Variants in GABRA2 observed in about 807,000 individuals in gnomAD.
The protein encoded by GABRA2 is gamma-aminobutyric acid type A receptor subunit alpha2.
GABRA2 carries 16 observed loss-of-function variants against 48.7 expected under a neutral mutation model. That is an observed-to-expected ratio of 0.33 (90% CI 0.22 to 0.50). The LOEUF (loss-of-function observed/expected upper bound fraction) is 0.50, where lower values mean the gene tolerates loss of function less well. GABRA2 is among the 20% of genes least tolerant of loss of function. GABRA2 has a pLI of 0.98. For missense variants in GABRA2, 275 were observed against 535.6 expected (o/e 0.51, Z 4.80); for synonymous variants, 185 against 184.5 (o/e 1.00, Z -0.02).
chr4:46,282,834 C>T (rs968129691), intron 8 of GABRA2, among the ~76,000 whole-genome samples: 1 of 152,070 alleles, frequency 6.6e-6, no homozygotes, highest in African/African-American at 2.4e-5. Context: ...CTAAGTGGTC[C>T]GTATATGAAT....
intron 9 of GABRA2, among the ~76,000 whole-genome samples, chr4:46,260,335 G>A (rs1376462843): frequency 1.3e-5 from 2 of 151,912 alleles, no homozygotes; most frequent in East Asian, 3.9e-4. Context: ...TCCTGGCTAT[G>A]TGTAATTTGG....
At chr4:46,335,782 T>G (rs1244128408) in intron 3 of GABRA2, among the ~76,000 whole-genome samples, 1 of 152,104 alleles carries the variant, frequency 6.6e-6, no homozygotes, top group Non-Finnish European at 1.5e-5. Context: ...TGATCACTCT[T>G]AGTTGACACA....
chr4:46,372,935 T>C (rs1409608175), intron 3 of GABRA2, among the ~76,000 whole-genome samples: 4 of 152,178 alleles, frequency 2.6e-5, no homozygotes, highest in Non-Finnish European at 5.9e-5. Flanking sequence ...AACTTTCATA[T>C]CCACTCACTT....
At chr4:46,273,522 TATATATATATATATGA>T (rs1490712822) in intron 8 of GABRA2, among the ~76,000 whole-genome samples, 7,099 of 62,336 alleles carry the variant, frequency 0.11, 778 homozygotes, top group African/African-American at 0.31. Flanking sequence ...TATATATATA[TATATATATATATATGA>T]GAGAGAGAGG....
At chr4:46,362,308 C>G (rs990387944) in intron 3 of GABRA2, among the ~76,000 whole-genome samples, 1 of 152,086 alleles carries the variant, frequency 6.6e-6, no homozygotes, top group Admixed American at 6.6e-5. Context: ...GCTGCACAAG[C>G]TCTCTCTCTG....
Position 46,249,707 on chromosome 4 carries a change from T to A in GABRA2, c.*601A>T, listed in dbSNP as rs1213022048. The A allele has an allele frequency of 6.6e-6, 1 of 151,524 alleles. No individual in the cohort carries two copies. The highest frequency in any genetic ancestry group is 2.4e-5 in the African/African-American group (1 of 41,368). The allele number at this position is 151,524 out of a possible 1,614,324, so 9.4% of individuals were successfully genotyped here. A position where few individuals can be genotyped will look rare whatever the true frequency, so the allele number is the denominator to read the frequency against. The stretch of plus-strand genomic sequence containing the variant: ...AGGCATAATTAACATCCTTTCGGGC[T>A]GACTCATAATTATTTGAGCTTGTCA... On this transcript the variant is annotated 3_prime_UTR_variant, in exon 10 of 10. Transcript: ENST00000381620.
intron 3 of GABRA2, among the ~76,000 whole-genome samples, chr4:46,381,953 G>T (rs1045446358): frequency 6.6e-6 from 1 of 152,072 alleles, no homozygotes. Context: ...GTGGCACACT[G>T]AAAGCAAAAA....
intron 3 of GABRA2, among the ~76,000 whole-genome samples, chr4:46,373,092 GAAGCTGTCACCAAAA>G (rs1282796195): frequency 6.6e-6 from 1 of 152,158 alleles, no homozygotes; most frequent in Non-Finnish European, 1.5e-5. Flanking sequence ...GACTGTATTA[GAAGCTGTCACCAAAA>G]ATGACAAAGA....
intron 3 of GABRA2, among the ~76,000 whole-genome samples, chr4:46,361,197 G>A (rs1260473654): frequency 2.0e-5 from 3 of 152,130 alleles, no homozygotes; most frequent in African/African-American, 2.4e-5. Flanking sequence ...TGTCTCCTGG[G>A]CATGTAAGAG....
chr4:46,376,174 A>T (rs2109330339), intron 3 of GABRA2, among the ~76,000 whole-genome samples: 1 of 152,352 alleles, frequency 6.6e-6, no homozygotes. Context: ...GGAACAAAAT[A>T]CTAGAATAAT....
intron 6 of GABRA2, among the ~76,000 whole-genome samples, chr4:46,307,691 T>C (rs1577991490): frequency 6.6e-6 from 1 of 152,170 alleles, no homozygotes; most frequent in East Asian, 1.9e-4. Context: ...TTGAACTATG[T>C]TCTTTACTGC....
chr4:46,334,400 C>A (rs77120054), intron 3 of GABRA2, among the ~76,000 whole-genome samples: 1 of 152,110 alleles, frequency 6.6e-6, no homozygotes, highest in Non-Finnish European at 1.5e-5. Context: ...ATTAATCACA[C>A]TATTACATTT....
In GABRA2 at chr4:46,305,576, G is replaced by A. The variant is rs1263622811; in HGVS notation, c.695C>T (p.Ser232Phe). The A allele has an allele frequency of 6.2e-7, 1 of 1,613,646 alleles. No homozygotes were observed. Among genetic ancestry groups the A allele is most frequent in the Non-Finnish European group, 8.5e-7 (1 of 1,179,856 alleles). ...GQSIGKETIKSSTGEYTVMTA... is the reference protein window; with the variant it reads ...GQSIGKETIKFSTGEYTVMTA... ...AGACTAATTTTACTAACCTGTACTG[G>A]ATTTAATTGTCTCCTTTCCGATTGA... is the stretch of plus-strand genomic sequence containing the variant. Residue 232 changes from serine to phenylalanine, a missense_variant, in exon 7 of 10, where the codon TCC (serine) becomes TTC (phenylalanine). By Grantham distance (155) the Ser-to-Phe change is radical. Around this residue, in one of 4 missense-constraint regions of GABRA2, gnomAD observed 113 missense variants for 257.1 expected, o/e 0.44. Coordinates refer to ENST00000381620, the MANE Select transcript of GABRA2 (RefSeq NM_000807.4).
rs147060822 is a variant in GABRA2, at chr4:46,368,539, A to C, written c.187+17535T>G. 673 of 159,112 alleles carry C rather than the reference A, an allele frequency of 4.2e-3. 3 individuals carry two copies. Among genetic ancestry groups the C allele is most frequent in the Non-Finnish European group, 7.3e-3 (529 of 72,540 alleles). The allele number at this position is 159,112 out of a possible 1,614,324, so 9.9% of individuals were successfully genotyped here. ...TTTGTTGAAATATAGTTCTGGGACC[A>C]AACCAAATCTGAATGAGTCTTTGAA... On this transcript the variant is annotated intron_variant, in intron 3 of 9. Transcript: ENST00000381620.
intron 1 of GABRA2, 90 bp from the exon 2 acceptor site, chr4:46,388,806 T>A (rs1277287075): frequency 6.3e-7 from 1 of 1,581,574 alleles, no homozygotes; most frequent in African/African-American, 1.4e-5. Context: ...ATCCTTTTAG[T>A]TAGGGATTCG....
chr4:46,294,471 G>A (rs1000938147), intron 8 of GABRA2, among the ~76,000 whole-genome samples: 2 of 152,150 alleles, frequency 1.3e-5, no homozygotes, highest in African/African-American at 4.8e-5. Flanking sequence ...TCCTCATTTA[G>A]GTGTGTCACT....
At chr4:46,366,623 G>A (rs921516595) in intron 3 of GABRA2, 3 of 151,988 alleles carry the variant, frequency 2.0e-5, no homozygotes, top group African/African-American at 7.2e-5. Flanking sequence ...CTAAGGTAGG[G>A]GTCATCAATT....
At position 46,348,110 on chromosome 4, in the gene GABRA2, T is replaced by C. The variant is rs566653264; in HGVS notation, c.188-15428A>G. 2.3e-3 allele frequency among the ~76,000 whole-genome samples: 357 copies of C among 151,950 alleles called. 4 individuals are homozygous for C. The highest frequency in any genetic ancestry group is 8.4e-3 in the African/African-American group (350 of 41,468). ...ACAAACAACCCCATCAAAAAATGGG[T>C]GAAGGATATCAACAGACACTTCTCA... is the stretch of plus-strand genomic sequence containing the variant. On this transcript the variant is annotated intron_variant, in intron 3 of 9. Coordinates refer to ENST00000381620, the MANE Select transcript of GABRA2 (RefSeq NM_000807.4).
At chr4:46,273,017 G>A (rs1032927678) in intron 8 of GABRA2, among the ~76,000 whole-genome samples, 8 of 151,708 alleles carry the variant, frequency 5.3e-5, no homozygotes, top group African/African-American at 1.9e-4. Context: ...TCTACATTAG[G>A]TATTTCTCCT....
Sources: allele counts gnomAD v4.1 joint callset (sites outside exome capture counted in the v4.1 genomes callset), GRCh38; gene constraint gnomAD v4.1.1; regional missense constraint gnomAD v4.1.1; transcripts MANE v1.5; gene names NCBI Gene and HGNC (gene_info 2026-07-23, HGNC 2026-07-21).